Variants in TPST1 observed in about 807,000 individuals in gnomAD.
TPST1 encodes the protein protein-tyrosine sulfotransferase 1.
Under a neutral mutation model 34.8 loss-of-function variants are expected in TPST1, and 20 were observed. That is an observed-to-expected ratio of 0.57 (90% CI 0.40 to 0.84). The LOEUF (loss-of-function observed/expected upper bound fraction) is 0.84. TPST1 is among the 40% of genes least tolerant of loss of function. The pLI is 0.00. For synonymous variants in TPST1, 152 were observed against 159.4 expected (o/e 0.95, Z 0.35); for missense variants, 353 against 455.5 (o/e 0.78, Z 2.05).
chr7:66,208,977 T>A (rs1035774563), intron 1 of TPST1, among the ~76,000 whole-genome samples: 2 of 151,874 alleles, frequency 1.3e-5, no homozygotes, highest in Non-Finnish European at 2.9e-5. Context: ...GAAGAGAAGG[T>A]AACATATGGA....
upstream of TPST1, among the ~76,000 whole-genome samples, chr7:66,204,271 ATAT>A (rs1359137559): frequency 6.6e-6 from 1 of 152,198 alleles, no homozygotes; most frequent in Admixed American, 6.5e-5. Flanking sequence ...AACTTTGAAA[ATAT>A]TATACTGTGT....
rs1289715432 is a variant in TPST1, at chr7:66,233,131, A to G, written c.-101-7194A>G. Among the ~76,000 whole-genome samples the G allele has an allele frequency of 7.3e-5, 11 of 151,360 alleles. No homozygotes were observed. The East Asian group carries it at 2.1e-3, about 29-fold the overall frequency. ...CCCTTCTCAGGCATATAATTTGCAGATATTTTCTCCCATTTTTTGGTTTGT... is the reference window on the plus strand; with the variant it reads ...CCCTTCTCAGGCATATAATTTGCAGGTATTTTCTCCCATTTTTTGGTTTGT... On this transcript the variant is annotated intron_variant, in intron 1 of 5. Coordinates refer to ENST00000304842, the MANE Select transcript of TPST1 (RefSeq NM_003596.4).
Position 66,286,523 on chromosome 7 carries a change from T to C in TPST1, c.858T>C (p.Ser286=). The change falls in exon 3 of 6, where the codon TCT becomes TCC. Residue 286 remains serine, a synonymous_variant. Transcript: ENST00000304842. ...ATGTTGTTTTCAGAGTGGAGAGATC[T>C]ACAGACCAAGTAATCAAGCCAGTCA... ...GGVSLSKVER[S]TDQVIKPVNV... 1 of 1,596,236 alleles carries C rather than the reference T, an allele frequency of 6.3e-7. No homozygotes were observed. Among genetic ancestry groups the C allele is most frequent in the Non-Finnish European group, 8.5e-7 (1 of 1,170,072 alleles).
chr7:66,271,641 A>G (rs1458435336), intron 2 of TPST1, among the ~76,000 whole-genome samples: 1 of 152,036 alleles, frequency 6.6e-6, no homozygotes, highest in Non-Finnish European at 1.5e-5. Flanking sequence ...TCTGTGTCTA[A>G]TTTATTTCAC....
At chr7:66,246,835 C>T (rs947413131) in intron 2 of TPST1, among the ~76,000 whole-genome samples, 13 of 152,124 alleles carry the variant, frequency 8.5e-5, no homozygotes, top group African/African-American at 1.2e-4. Context: ...AAACAAATGG[C>T]GTTTAGTATT....
intron 3 of TPST1, among the ~76,000 whole-genome samples, chr7:66,349,178 T>C (rs578223967): frequency 2.6e-5 from 4 of 152,222 alleles, no homozygotes; most frequent in Non-Finnish European, 4.4e-5. Context: ...GACACCTGTA[T>C]GACTGCCTGG....
intron 3 of TPST1, among the ~76,000 whole-genome samples, chr7:66,304,381 G>A (rs1791380693): frequency 6.6e-6 from 1 of 152,144 alleles, no homozygotes; most frequent in Non-Finnish European, 1.5e-5. Flanking sequence ...CCAGTGGAGC[G>A]ACTGCATCTG....
rs1001943310 is a variant in TPST1 at position 66,360,049 on chromosome 7, C to T, written c.*184C>T. ...GAGGTGTCCGCACAGCTTTGGGCCT[C>T]GTGAGGGATCTGCCTCCTGAGCAAA... On this transcript the variant is annotated 3_prime_UTR_variant, in exon 6 of 6. Coordinates refer to ENST00000304842, the MANE Select transcript of TPST1 (RefSeq NM_003596.4). 2.5e-5 allele frequency: 11 copies of T among 436,602 alleles called. No homozygotes were observed. Among genetic ancestry groups the T allele is most frequent in the Non-Finnish European group, 5.1e-5 (11 of 213,868 alleles). The allele number at this position is 436,602 out of a possible 1,614,324, so 27.0% of individuals were successfully genotyped here. A position where few individuals can be genotyped will look rare whatever the true frequency, so the allele number is the denominator to read the frequency against.
chr7:66,337,205 G>A (rs1792137443), intron 3 of TPST1, among the ~76,000 whole-genome samples: 2 of 151,710 alleles, frequency 1.3e-5, no homozygotes, highest in African/African-American at 4.8e-5. Flanking sequence ...AAACTCACTG[G>A]TAAAAGAAGA....
chr7:66,254,082 A>G (rs1450956571), intron 2 of TPST1, among the ~76,000 whole-genome samples: 5 of 151,886 alleles, frequency 3.3e-5, no homozygotes, highest in African/African-American at 1.2e-4. Flanking sequence ...CTTCTCTAGG[A>G]ATGTCTAGGC....
intron 3 of TPST1, among the ~76,000 whole-genome samples, chr7:66,321,111 A>G (rs1320013381): frequency 1.3e-5 from 2 of 152,218 alleles, no homozygotes; most frequent in Non-Finnish European, 2.9e-5. Context: ...ATAGTTGATT[A>G]CAGCAAAAGG....
At chr7:66,280,471 A>G (rs2115885962) in intron 2 of TPST1, among the ~76,000 whole-genome samples, 1 of 152,342 alleles carries the variant, frequency 6.6e-6, no homozygotes, top group South Asian at 2.1e-4. Context: ...ATGATTTTGT[A>G]TCCTGAAACT....
chr7:66,274,529 G>T (rs2115831570), intron 2 of TPST1, among the ~76,000 whole-genome samples: 1 of 152,176 alleles, frequency 6.6e-6, no homozygotes, highest in Non-Finnish European at 1.5e-5. Flanking sequence ...ATTGGTCTGG[G>T]CAATGAATTT....
At chr7:66,324,903 A>G (rs900918513) in intron 3 of TPST1, among the ~76,000 whole-genome samples, 5 of 151,882 alleles carry the variant, frequency 3.3e-5, no homozygotes, top group African/African-American at 1.2e-4. Context: ...CAAGATTAAA[A>G]TTACTGGTTT....
intron 1 of TPST1, among the ~76,000 whole-genome samples, chr7:66,231,065 T>C (rs1174963529): frequency 6.6e-6 from 1 of 151,742 alleles, no homozygotes; most frequent in Non-Finnish European, 1.5e-5. Context: ...CCGATTGGTG[T>C]ATTTACAATC....
intron 2 of TPST1, among the ~76,000 whole-genome samples, chr7:66,260,067 C>T (rs1161580871): frequency 1.3e-5 from 2 of 152,064 alleles, no homozygotes; most frequent in Non-Finnish European, 2.9e-5. Flanking sequence ...TACTCCATGT[C>T]GTCTCATGTC....
intron 4 of TPST1, among the ~76,000 whole-genome samples, chr7:66,354,522 C>CAAAAAAAAAAAAAAA (rs66521537): frequency 3.3e-5 from 2 of 60,814 alleles, no homozygotes; most frequent in East Asian, 4.9e-4. Flanking sequence ...GAGTCTGTCT[C>CAAAAAAAAAAAAAAA]AAAAAAAAAA....
chr7:66,199,419 C>T, the TPST1 span, among the ~76,000 whole-genome samples: 169 of 149,832 alleles, frequency 1.1e-3, no homozygotes, highest in African/African-American at 3.7e-3. Flanking sequence ...CTCAGCCTCC[C>T]GAGTAGCTGG....
chr7:66,206,650 A>G (rs1789136624), intron 1 of TPST1, among the ~76,000 whole-genome samples: 2 of 152,162 alleles, frequency 1.3e-5, no homozygotes, highest in South Asian at 4.1e-4. Context: ...ATTACTCCCC[A>G]TCCCCTCTCC....
Sources: gnomAD v4.1 joint callset for allele counts (sites outside exome capture counted in the v4.1 genomes callset) on GRCh38, gnomAD v4.1.1 for gene constraint, MANE v1.5 for transcripts, NCBI Gene and HGNC (gene_info 2026-07-23, HGNC 2026-07-21) for gene names.